Variants in PDE4D observed in about 807,000 individuals in gnomAD.
PDE4D encodes 3',5'-cyclic-AMP phosphodiesterase 4D.
A neutral mutation model predicts 87.4 loss-of-function variants in PDE4D; 24 were observed. That is an observed-to-expected ratio of 0.27 (90% CI 0.20 to 0.39). PDE4D has a LOEUF of 0.39. Ranked by LOEUF, PDE4D falls within the 10% of genes least tolerant of loss-of-function variation. The probability of loss-of-function intolerance (pLI) is 1.00; values close to 1 mark genes in which losing one functional copy is unlikely to be tolerated. For missense variants in PDE4D, 714 were observed against 1,041.0 expected, an observed-to-expected ratio of 0.69 and a Z score of 4.32; for synonymous variants, 384 against 383.2, an observed-to-expected ratio of 1.00 and a Z score of -0.02.
intron 2 of PDE4D, among the ~76,000 whole-genome samples, chr5:60,150,721 G>A (rs1014406353): frequency 3.9e-5 from 6 of 152,104 alleles, no homozygotes; most frequent in Non-Finnish European, 8.8e-5. Flanking sequence ...TAAGTACTAG[G>A]TTTGCATCTA....
intron 1 of PDE4D, among the ~76,000 whole-genome samples, chr5:60,310,369 GA>G (rs1333510343): frequency 6.6e-6 from 1 of 152,090 alleles, no homozygotes; most frequent in African/African-American, 2.4e-5. Flanking sequence ...GAGGGTTTGG[GA>G]ACAAAAATAA....
intron 1 of PDE4D, among the ~76,000 whole-genome samples, chr5:60,496,071 T>G (rs926014501): frequency 6.6e-5 from 10 of 152,298 alleles, no homozygotes; most frequent in African/African-American, 2.4e-4. Context: ...CCTGTGAGTC[T>G]TGGCTATTTC....
chr5:59,204,041 G>A (rs1275450261), intron 2 of PDE4D, among the ~76,000 whole-genome samples: 1 of 152,108 alleles, frequency 6.6e-6, no homozygotes, highest in African/African-American at 2.4e-5. Context: ...TAAATTGTTA[G>A]GTGATGGACC....
chr5:59,001,556 GTCC>G (rs1750538274), intron 6 of PDE4D, among the ~76,000 whole-genome samples: 1 of 152,114 alleles, frequency 6.6e-6, no homozygotes, highest in South Asian at 2.1e-4. Flanking sequence ...GAATACTAAG[GTCC>G]TCCTTTTCTC....
chr5:60,176,348 C>T (rs560639796), intron 2 of PDE4D, among the ~76,000 whole-genome samples: 3 of 151,750 alleles, frequency 2.0e-5, no homozygotes, highest in South Asian at 4.1e-4. Context: ...TTTGCTGGTG[C>T]TTTTTTTTAA....
At chr5:59,827,377 A>T (rs1370776019) in intron 1 of PDE4D, among the ~76,000 whole-genome samples, 1 of 152,132 alleles carries the variant, frequency 6.6e-6, no homozygotes, top group Admixed American at 6.6e-5. Context: ...AGTAGCCTGC[A>T]AGTGTTAAAC....
intron 1 of PDE4D, among the ~76,000 whole-genome samples, chr5:60,328,699 T>C (rs1005519052): frequency 1.3e-5 from 2 of 152,192 alleles, no homozygotes; most frequent in African/African-American, 4.8e-5. Context: ...AGCTAGTACA[T>C]AGGTAAGCAT....
intron 1 of PDE4D, among the ~76,000 whole-genome samples, chr5:59,378,532 T>C (rs1461185014): frequency 6.6e-6 from 1 of 152,194 alleles, no homozygotes; most frequent in Non-Finnish European, 1.5e-5. Flanking sequence ...AAGAAAAGTG[T>C]TAGAAAAATA....
chr5:60,324,682 A>G (rs1203400712), intron 1 of PDE4D, among the ~76,000 whole-genome samples: 1 of 152,246 alleles, frequency 6.6e-6, no homozygotes, highest in Non-Finnish European at 1.5e-5. Flanking sequence ...AACTGTGTAG[A>G]CTGTGAAGTT....
At chr5:59,378,574 A>G (rs1182758882) in intron 1 of PDE4D, among the ~76,000 whole-genome samples, 1 of 152,228 alleles carries the variant, frequency 6.6e-6, no homozygotes, top group Non-Finnish European at 1.5e-5. Context: ...TATTCCTTAT[A>G]GTTCCAACGT....
chr5:59,379,150 A>T (rs1429917797), intron 1 of PDE4D, among the ~76,000 whole-genome samples: 3 of 152,150 alleles, frequency 2.0e-5, no homozygotes, highest in Admixed American at 6.6e-5. Flanking sequence ...CCCAAACCTG[A>T]GACAAATCAT....
intron 1 of PDE4D, among the ~76,000 whole-genome samples, chr5:59,724,579 C>T (rs1047015027): frequency 3.3e-5 from 5 of 152,154 alleles, no homozygotes; most frequent in African/African-American, 9.6e-5. Context: ...CTTAATTATG[C>T]ATAAATAAAA....
intron 1 of PDE4D, among the ~76,000 whole-genome samples, chr5:59,420,466 T>C (rs1794298470): frequency 1.3e-5 from 2 of 152,162 alleles, no homozygotes; most frequent in South Asian, 2.1e-4. Flanking sequence ...GGACTCATCA[T>C]ATGGGATTCC....
chr5:60,154,616 C>T (rs544336605), intron 2 of PDE4D, among the ~76,000 whole-genome samples: 94 of 152,280 alleles, frequency 6.2e-4, no homozygotes, highest in Non-Finnish European at 4.7e-4. Context: ...ACAAAAATTG[C>T]ACGTAAGTGT....
At chr5:59,566,249 G>C (rs1048510428) in intron 1 of PDE4D, among the ~76,000 whole-genome samples, 3 of 152,112 alleles carry the variant, frequency 2.0e-5, no homozygotes, top group Non-Finnish European at 4.4e-5. Context: ...GGTGAAGTAA[G>C]GATCTTTAGC....
At chr5:59,161,918 G>C (rs537454332) in intron 5 of PDE4D, among the ~76,000 whole-genome samples, 2 of 152,316 alleles carry the variant, frequency 1.3e-5, no homozygotes, top group East Asian at 3.9e-4. Context: ...AGTGGGGGTA[G>C]ACCTGCTAGC....
intron 1 of PDE4D, among the ~76,000 whole-genome samples, chr5:59,309,373 G>C (rs1156581842): frequency 1.3e-5 from 2 of 152,308 alleles, no homozygotes; most frequent in African/African-American, 2.4e-5. Context: ...CCTCTGGATG[G>C]ATCCCTGTGA....
chr5:59,051,958 C>CA (rs10636912), intron 5 of PDE4D, among the ~76,000 whole-genome samples: 7 of 151,628 alleles, frequency 4.6e-5, no homozygotes, highest in African/African-American at 7.3e-5. Context: ...TTCTTTCTCT[C>CA]TTTTTCCCCC....
rs776228288 is a variant in PDE4D at position 59,618,518 on chromosome 5, T to C, written c.455+274650A>G. On this transcript the variant is annotated intron_variant, in intron 1 of 14. Transcript: ENST00000340635. ...CCATGTTACAGCTTGGCCTCTATTC[T>C]GAAAGCAACAGATAGTCACTGAAAA... is the stretch of plus-strand genomic sequence containing the variant. Among the ~76,000 whole-genome samples, 2 of 152,118 alleles carry C rather than the reference T, an allele frequency of 1.3e-5. 1 individual carries two copies. The highest frequency in any genetic ancestry group is 4.1e-4 in the South Asian group (2 of 4,828).
Sources: allele counts gnomAD v4.1 joint callset (sites outside exome capture counted in the v4.1 genomes callset), GRCh38; gene constraint gnomAD v4.1.1; transcripts MANE v1.5; gene names NCBI Gene and HGNC (gene_info 2026-07-23, HGNC 2026-07-21).